The following NOS1 variants were observed in gnomAD, a reference collection of about 807,000 sequenced individuals.
The protein encoded by NOS1 is nitric oxide synthase 1.
Under a neutral mutation model 164.5 loss-of-function variants are expected in NOS1, and 51 were observed. That is an observed-to-expected ratio of 0.31 (90% CI 0.25 to 0.39). NOS1 has a LOEUF of 0.39. Among genes scored for constraint, NOS1 ranks in the 10% least tolerant of loss-of-function variants. The probability of loss-of-function intolerance (pLI) is 1.00; values close to 1 mark genes in which losing one functional copy is unlikely to be tolerated. For synonymous variants in NOS1, 719 were observed against 745.8 expected, an observed-to-expected ratio of 0.96 and a Z score of 0.59; for missense variants, 1,362 against 1,885.6, an observed-to-expected ratio of 0.72 and a Z score of 5.14.
chr12:117,350,681 G>A (rs1311095285), intron 1 of NOS1, among the ~76,000 whole-genome samples: 1 of 152,152 alleles, frequency 6.6e-6, no homozygotes, highest in East Asian at 1.9e-4. Flanking sequence ...CAGAGCTGAT[G>A]AACTGGGATT....
intron 1 of NOS1, among the ~76,000 whole-genome samples, chr12:117,342,211 C>T (rs1876145927): frequency 6.6e-6 from 1 of 152,100 alleles, no homozygotes; most frequent in Non-Finnish European, 1.5e-5. Context: ...ATACATAGCT[C>T]TCCCCAGGAC....
chr12:117,220,576 G>A (rs995298878), intron 26 of NOS1, among the ~76,000 whole-genome samples: 13 of 152,064 alleles, frequency 8.5e-5, no homozygotes, highest in African/African-American at 2.7e-4. Context: ...GGGGAAAGAC[G>A]GGGAGCATTC....
At chr12:117,305,418 C>G (rs1874087723) in intron 3 of NOS1, among the ~76,000 whole-genome samples, 2 of 150,096 alleles carry the variant, frequency 1.3e-5, no homozygotes. Context: ...GAGCGGAGAT[C>G]GCGTCATTGC....
chr12:117,331,281 C>G lies in NOS1; in HGVS notation c.-212G>C, dbSNP rs1875534588. 1.7e-6 allele frequency: 1 copy of G among 582,906 alleles called. No homozygotes were observed. The highest frequency in any genetic ancestry group is 1.9e-5 in the African/African-American group (1 of 53,672). The allele number at this position is 582,906 out of a possible 1,614,324, so 36.1% of individuals were successfully genotyped here. On this transcript the variant is annotated 5_prime_UTR_variant, in exon 2 of 29. Transcript: ENST00000317775. ...CCGTCGGTGGCATGATTTCCTGCAT[C>G]CGCCTCTCTCCTTATTCTCTAAGGA...
intron 2 of NOS1, among the ~76,000 whole-genome samples, chr12:117,326,399 A>C (rs1018551771): frequency 3.1e-4 from 4 of 12,982 alleles, no homozygotes; most frequent in South Asian, 5.9e-3. Context: ...AAAAAAAAAA[A>C]AACAAAAAAA....
chr12:117,263,202 C>T (rs370274793), intron 13 of NOS1, among the ~76,000 whole-genome samples: 5 of 150,366 alleles, frequency 3.3e-5, no homozygotes, highest in South Asian at 2.1e-4. Flanking sequence ...GCGTGTGCTG[C>T]GACACCCAAC....
chr12:117,212,197 A>G lies in NOS1; in HGVS notation c.*3112T>C. 1.0e-6 allele frequency: 1 copy of G among 985,318 alleles called. No homozygotes were observed. The highest frequency in any genetic ancestry group is 4.7e-5 in the South Asian group (1 of 21,282). The allele number at this position is 985,318 out of a possible 1,614,324, so 61.0% of individuals were successfully genotyped here. A position where few individuals can be genotyped will look rare whatever the true frequency, so the allele number is the denominator to read the frequency against. On this transcript the variant is annotated 3_prime_UTR_variant, in exon 29 of 29. Coordinates refer to ENST00000317775, the MANE Select transcript of NOS1 (RefSeq NM_000620.5). ...GTTAAGTGAAAAATTAAAATGCAGTAAGTTTTGAACCAGGTACTGTAACTG... is the reference window on the plus strand; with the variant it reads ...GTTAAGTGAAAAATTAAAATGCAGTGAGTTTTGAACCAGGTACTGTAACTG...
intron 8 of NOS1, 78 bp from the exon 9 acceptor site, chr12:117,278,176 G>A (rs936441712): frequency 1.0e-5 from 15 of 1,451,190 alleles, no homozygotes; most frequent in Non-Finnish European, 1.1e-5. Context: ...AAGCGGGGGT[G>A]GGGTGGATAG....
intron 27 of NOS1, among the ~76,000 whole-genome samples, chr12:117,219,366 A>G (rs1174979814): frequency 1.3e-5 from 2 of 149,504 alleles, no homozygotes; most frequent in Admixed American, 6.7e-5. Context: ...GAGTGCAATG[A>G]CACGATCTTG....
At chr12:117,347,765 A>T (rs934342912) in intron 1 of NOS1, among the ~76,000 whole-genome samples, 4 of 152,092 alleles carry the variant, frequency 2.6e-5, no homozygotes, top group African/African-American at 9.7e-5. Context: ...CTCAACACTG[A>T]CCTTGTTCTC....
Position 117,356,370 on chromosome 12 carries a change from C to A in NOS1, c.-421+5142G>T, listed in dbSNP as rs1035200191. 2.2e-4 allele frequency among the ~76,000 whole-genome samples: 34 copies of A among 152,196 alleles called. No homozygotes were observed. The highest frequency in any genetic ancestry group is 7.2e-4 in the African/African-American group (30 of 41,458). On this transcript the variant is annotated intron_variant, in intron 1 of 28. Coordinates refer to ENST00000317775, the MANE Select transcript of NOS1 (RefSeq NM_000620.5). This position sits in a 1 kb window ranked among gnomAD's most constrained non-coding sequence, Gnocchi z 4.2. The stretch of plus-strand genomic sequence containing the variant: ...GGACCCCAACCCTGAGAGGGTGCCA[C>A]AAATCAGGCTATGGGCTTTGATGCT...
At chr12:117,269,297 T>C (rs930808036) in intron 10 of NOS1, among the ~76,000 whole-genome samples, 1 of 151,896 alleles carries the variant, frequency 6.6e-6, no homozygotes, top group Non-Finnish European at 1.5e-5. Context: ...GCTTGGGCTA[T>C]CTTAGATATG....
rs1956522485 is a variant in NOS1, at chr12:117,211,223, G to T, written c.*4086C>A. 7 of 982,308 alleles carry T rather than the reference G, an allele frequency of 7.1e-6. No individual in the cohort carries two copies. Among genetic ancestry groups the T allele is most frequent in the South Asian group, 9.4e-5 (2 of 21,222 alleles). The allele number at this position is 982,308 out of a possible 1,614,324, so 60.8% of individuals were successfully genotyped here. On this transcript the variant is annotated 3_prime_UTR_variant, in exon 29 of 29. Transcript: ENST00000317775. The stretch of plus-strand genomic sequence containing the variant: ...TACACCCACCTCGGCCTCCCAAAGT[G>T]CTGGGATTACAGACATGAGCTACCG...
chr12:117,211,470 T>A lies in NOS1; in HGVS notation c.*3839A>T. The A allele has an allele frequency of 1.0e-6, 1 of 984,694 alleles. No homozygotes were observed. The highest frequency in any genetic ancestry group is 1.2e-6 in the Non-Finnish European group (1 of 829,280). 61.0% of individuals were successfully genotyped at this position (984,694 alleles called of 1,614,324 possible). On this transcript the variant is annotated 3_prime_UTR_variant, in exon 29 of 29. Transcript: ENST00000317775. Reference sequence around the variant, plus strand: ...TTTCCAAGTATAACTCCAATCGCCTTAATGTCCCTTTTTGAAAAACATTCT... The same window carrying A: ...TTTCCAAGTATAACTCCAATCGCCTAAATGTCCCTTTTTGAAAAACATTCT...
rs1184986850 is a variant in NOS1, at chr12:117,242,724, C to T, written c.2963-19G>A. 1.4e-5 allele frequency: 22 copies of T among 1,611,050 alleles called. No homozygotes were observed. Among genetic ancestry groups the T allele is most frequent in the Non-Finnish European group, 1.6e-5 (19 of 1,177,216 alleles). On this transcript the variant is annotated intron_variant, in intron 19 of 28. Transcript: ENST00000317775. ...GATAGACCTGTGGGGAGAAAAACAA[C>T]AGTCTTCCTGAGAAGGGGTTGAATG... is the stretch of plus-strand genomic sequence containing the variant.
chr12:117,259,603 C>T (rs1592959831), intron 14 of NOS1, among the ~76,000 whole-genome samples: 1 of 152,184 alleles, frequency 6.6e-6, no homozygotes, highest in Admixed American at 6.5e-5. Context: ...TCTGAGATAT[C>T]TGCCTTCTGG....
chr12:117,302,414 G>GA (rs917869184), intron 3 of NOS1, among the ~76,000 whole-genome samples: 1 of 152,008 alleles, frequency 6.6e-6, no homozygotes, highest in African/African-American at 2.4e-5. Flanking sequence ...CTAACATGGT[G>GA]AAACCCCATC....
intron 17 of NOS1, among the ~76,000 whole-genome samples, chr12:117,251,673 C>A (rs1204711764): frequency 6.8e-6 from 1 of 148,142 alleles, no homozygotes; most frequent in African/African-American, 2.5e-5. Context: ...TTAAGTGATC[C>A]TCCCACCTTG....
At chr12:117,329,904 A>G (rs1323322490) in intron 2 of NOS1, among the ~76,000 whole-genome samples, 1 of 152,146 alleles carries the variant, frequency 6.6e-6, no homozygotes, top group Non-Finnish European at 1.5e-5. Context: ...CCTGTCTTCC[A>G]AGGGTTTTTG....
Sources: gnomAD v4.1 joint callset for allele counts (sites outside exome capture counted in the v4.1 genomes callset) on GRCh38, gnomAD v4.1.1 for gene constraint, Gnocchi (gnomAD v3.1) non-coding constraint, MANE v1.5 for transcripts, NCBI Gene and HGNC (gene_info 2026-07-23, HGNC 2026-07-21) for gene names.